Variants in COX7B2 observed in about 807,000 individuals in gnomAD.
COX7B2 encodes the protein cytochrome c oxidase subunit 7B2, mitochondrial.
For synonymous variants in COX7B2, 37 were observed against 32.1 expected, an observed-to-expected ratio of 1.15 and a Z score of -0.51; for missense variants, 109 against 95.9, an observed-to-expected ratio of 1.14 and a Z score of -0.57.
At chr4:46,762,465 AT>A (rs1716241833) in intron 2 of COX7B2, among the ~76,000 whole-genome samples, 5 of 125,686 alleles carry the variant, frequency 4.0e-5, no homozygotes, top group Non-Finnish European at 8.3e-5. Context: ...TATATAGTAT[AT>A]GTACTATATA....
intron 2 of COX7B2, among the ~76,000 whole-genome samples, chr4:46,777,980 A>C (rs1717250170): frequency 6.6e-6 from 1 of 152,082 alleles, no homozygotes; most frequent in Admixed American, 6.6e-5. Flanking sequence ...TTTTAATTGT[A>C]CTGACATGGT....
intron 2 of COX7B2, among the ~76,000 whole-genome samples, chr4:46,782,717 C>A (rs1415944023): frequency 1.3e-5 from 2 of 152,188 alleles, no homozygotes; most frequent in Admixed American, 1.3e-4. Context: ...CTGAAGCCAG[C>A]AAGACCAAGA....
intron 1 of COX7B2, among the ~76,000 whole-genome samples, chr4:46,890,723 A>C (rs919729186): frequency 2.0e-5 from 3 of 152,228 alleles, no homozygotes; most frequent in African/African-American, 7.2e-5. Flanking sequence ...AAAACTCTGA[A>C]GGAGTGTTCT....
chr4:46,837,234 C>T (rs554206141), intron 2 of COX7B2, among the ~76,000 whole-genome samples: 1 of 150,590 alleles, frequency 6.6e-6, no homozygotes, highest in Non-Finnish European at 1.5e-5. Context: ...TGTACATCAA[C>T]AGATGAATGG....
At chr4:46,750,194 C>A (rs1030520387) in intron 2 of COX7B2, among the ~76,000 whole-genome samples, 10 of 51,542 alleles carry the variant, frequency 1.9e-4, no homozygotes, top group Non-Finnish European at 4.3e-4. Flanking sequence ...GATCCCATCT[C>A]TACACACACA....
chr4:46,842,824 G>A lies in COX7B2; in HGVS notation c.-50+2136C>T, dbSNP rs566724745. Among the ~76,000 whole-genome samples the A allele has an allele frequency of 5.9e-4, 90 of 152,032 alleles. 2 individuals carry two copies. The highest frequency in any genetic ancestry group is 1.0e-3 in the Non-Finnish European group (68 of 67,904). On this transcript the variant is annotated intron_variant, in intron 2 of 2. Coordinates refer to ENST00000355591, the MANE Select transcript of COX7B2 (RefSeq NM_130902.3). ...CATTGTTGGACATTTAGGTTGGTTC[G>A]AAGTCTTTGCTATTGTGAATAGTGC...
At chr4:46,782,854 G>A (rs992762353) in intron 2 of COX7B2, among the ~76,000 whole-genome samples, 10 of 151,994 alleles carry the variant, frequency 6.6e-5, no homozygotes, top group South Asian at 2.1e-4. Context: ...AAGAAACTCC[G>A]GACACATCTG....
intron 1 of COX7B2, among the ~76,000 whole-genome samples, chr4:46,889,665 AAAAGGAAT>A (rs1215248986): frequency 4.6e-5 from 7 of 152,312 alleles, no homozygotes; most frequent in African/African-American, 1.7e-4. Flanking sequence ...ATTTTCAAAC[AAAAGGAAT>A]GCCTCTTGAG....
chr4:46,770,661 G>A (rs1163097387), intron 2 of COX7B2, among the ~76,000 whole-genome samples: 1 of 149,674 alleles, frequency 6.7e-6, no homozygotes, highest in Non-Finnish European at 1.5e-5. Context: ...AGAGAGACCA[G>A]AAAAAAAAAC....
intron 2 of COX7B2, among the ~76,000 whole-genome samples, chr4:46,764,390 C>G (rs1000844476): frequency 6.6e-6 from 1 of 151,816 alleles, no homozygotes; most frequent in South Asian, 2.1e-4. Flanking sequence ...ACTAAAAATA[C>G]AAAAATTAGC....
intron 2 of COX7B2, among the ~76,000 whole-genome samples, chr4:46,810,267 T>C (rs1342027936): frequency 1.3e-5 from 2 of 152,070 alleles, no homozygotes; most frequent in Non-Finnish European, 2.9e-5. Flanking sequence ...CAATTTACAT[T>C]CAAGGTTGTT....
At chr4:46,740,589 A>C (rs1714645877) in intron 2 of COX7B2, among the ~76,000 whole-genome samples, 1 of 152,090 alleles carries the variant, frequency 6.6e-6, no homozygotes, top group South Asian at 2.1e-4. Context: ...TGGTGTAATC[A>C]GAAAACACAT....
chr4:46,801,497 T>C (rs768248037), intron 2 of COX7B2, among the ~76,000 whole-genome samples: 4 of 152,152 alleles, frequency 2.6e-5, no homozygotes, highest in Admixed American at 6.5e-5. Context: ...AAATATCGCA[T>C]GTTCCTACTT....
rs550278335 is a variant in COX7B2, at chr4:46,888,151, C to T, written c.-105+21009G>A. 1.2e-4 allele frequency among the ~76,000 whole-genome samples: 18 copies of T among 152,246 alleles called. No individual in the cohort carries two copies. In the Middle Eastern group the frequency reaches 0.014, roughly 115 times the overall value. The stretch of plus-strand genomic sequence containing the variant: ...CTCAACAGGAGAAGCAAAGCGGTGT[C>T]GCTTTCAAGGTGCCACAAGAACTCA... On this transcript the variant is annotated intron_variant, in intron 1 of 2. Transcript: ENST00000355591.
At chr4:46,899,589 G>GT (rs1204294906) in intron 1 of COX7B2, among the ~76,000 whole-genome samples, 2 of 152,192 alleles carry the variant, frequency 1.3e-5, no homozygotes, top group African/African-American at 2.4e-5. Context: ...GAGAGAGATT[G>GT]TAAGTCATGA....
At chr4:46,845,816 A>G (rs1011732879) in intron 1 of COX7B2, among the ~76,000 whole-genome samples, 5 of 152,026 alleles carry the variant, frequency 3.3e-5, no homozygotes, top group African/African-American at 1.2e-4. Flanking sequence ...GTACATGTAC[A>G]TGTTTGGTGA....
chr4:46,783,848 T>TGGTACCTGCATCACACATC (rs1448071250), intron 2 of COX7B2, among the ~76,000 whole-genome samples: 1 of 151,678 alleles, frequency 6.6e-6, no homozygotes, highest in East Asian at 1.9e-4. Flanking sequence ...AAGTTGGGGG[T>TGGTACCTGCATCACACATC]GGTACCTGCA....
intron 1 of COX7B2, among the ~76,000 whole-genome samples, chr4:46,850,820 G>A (rs972306422): frequency 6.6e-6 from 1 of 152,074 alleles, no homozygotes; most frequent in Non-Finnish European, 1.5e-5. Context: ...AGGTGGTCAG[G>A]CTTTGTATTA....
At chr4:46,848,568 C>G (rs1341838775) in intron 1 of COX7B2, among the ~76,000 whole-genome samples, 1 of 152,036 alleles carries the variant, frequency 6.6e-6, no homozygotes, top group Non-Finnish European at 1.5e-5. Context: ...TTTCCCATAA[C>G]TCTTTGAAAG....
Sources: gnomAD v4.1 joint callset for allele counts (sites outside exome capture counted in the v4.1 genomes callset) on GRCh38, gnomAD v4.1.1 for gene constraint, MANE v1.5 for transcripts, NCBI Gene and HGNC (gene_info 2026-07-23, HGNC 2026-07-21) for gene names.